Variants in SLCO3A1 observed in about 807,000 individuals in gnomAD.
SLCO3A1 encodes the protein solute carrier organic anion transporter family member 3A1.
In SLCO3A1, 27 loss-of-function variants were observed where a neutral mutation model predicts 63.1. That is an observed-to-expected ratio of 0.43 (90% CI 0.32 to 0.59). The LOEUF is 0.59. SLCO3A1 is among the 20% of genes least tolerant of loss of function. The probability of loss-of-function intolerance (pLI) is 0.09; values close to 1 mark genes in which losing one functional copy is unlikely to be tolerated. For missense variants in SLCO3A1, 773 were observed against 945.8 expected (o/e 0.82, Z 2.40); for synonymous variants, 473 against 409.9 (o/e 1.15, Z -1.86).
At chr15:91,858,495 G>C (rs1015503543) in intron 1 of SLCO3A1, among the ~76,000 whole-genome samples, 2 of 152,076 alleles carry the variant, frequency 1.3e-5, no homozygotes, top group African/African-American at 4.8e-5. Context: ...TTGTGAGGGG[G>C]TTTTTGTTGG....
At chr15:92,040,363 A>G (rs1381436173) in intron 2 of SLCO3A1, among the ~76,000 whole-genome samples, 1 of 152,184 alleles carries the variant, frequency 6.6e-6, no homozygotes, top group Non-Finnish European at 1.5e-5. Context: ...AGTTCTTTGA[A>G]TGTTTCAGGT....
chr15:91,913,115 C>T (rs1330297294), intron 1 of SLCO3A1, among the ~76,000 whole-genome samples: 1 of 152,242 alleles, frequency 6.6e-6, no homozygotes, highest in Non-Finnish European at 1.5e-5. Flanking sequence ...ACTAGCTAAA[C>T]TTCGTTTCTG....
chr15:91,986,177 G>A (rs2046050029), intron 2 of SLCO3A1, among the ~76,000 whole-genome samples: 1 of 152,160 alleles, frequency 6.6e-6, no homozygotes, highest in Non-Finnish European at 1.5e-5. Flanking sequence ...ACCATGCTCG[G>A]CCTATATTTG....
chr15:91,873,318 G>T (rs1202857040), intron 1 of SLCO3A1, among the ~76,000 whole-genome samples: 2 of 152,186 alleles, frequency 1.3e-5, no homozygotes, highest in Non-Finnish European at 2.9e-5. Flanking sequence ...GGAGTGTTCA[G>T]CCAGTTTCAG....
chr15:92,045,094 T>C (rs7168605), intron 2 of SLCO3A1, among the ~76,000 whole-genome samples: 130,347 of 152,116 alleles, frequency 0.86, 56,308 homozygotes, highest in African/African-American at 0.97. Flanking sequence ...TCCTGGCTAA[T>C]GTGGTGAAAC....
At chr15:92,158,913 G>A (rs1216829504) in intron 9 of SLCO3A1, among the ~76,000 whole-genome samples, 1 of 152,202 alleles carries the variant, frequency 6.6e-6, no homozygotes, top group African/African-American at 2.4e-5. Context: ...CTATTCAGAA[G>A]TATAAAAGGA....
intron 2 of SLCO3A1, among the ~76,000 whole-genome samples, chr15:92,036,087 C>T (rs1391702210): frequency 6.6e-6 from 1 of 152,234 alleles, no homozygotes; most frequent in East Asian, 1.9e-4. Flanking sequence ...AACTGCAGAA[C>T]ATCCCAAGGC....
At chr15:91,929,310 G>A (rs1386929719) in intron 2 of SLCO3A1, among the ~76,000 whole-genome samples, 1 of 152,176 alleles carries the variant, frequency 6.6e-6, no homozygotes, top group African/African-American at 2.4e-5. Context: ...CCAACTCTAT[G>A]TCCTGAAGCC....
intron 7 of SLCO3A1, among the ~76,000 whole-genome samples, chr15:92,131,317 T>A (rs1430327057): frequency 1.3e-5 from 2 of 151,782 alleles, no homozygotes; most frequent in African/African-American, 4.8e-5. Flanking sequence ...CTTTACCATC[T>A]GGCCCTGGCT....
chr15:92,098,689 T>A (rs2047568946), intron 3 of SLCO3A1, among the ~76,000 whole-genome samples: 1 of 152,092 alleles, frequency 6.6e-6, no homozygotes, highest in Non-Finnish European at 1.5e-5. Context: ...GGAGTGTAGA[T>A]CCTACTGTTA....
At chr15:91,919,576 G>A (rs992997239) in intron 2 of SLCO3A1, among the ~76,000 whole-genome samples, 1 of 152,256 alleles carries the variant, frequency 6.6e-6, no homozygotes, top group Admixed American at 6.5e-5. Context: ...TGAGGTCGGA[G>A]AATCCATTCT....
At position 92,143,368 on chromosome 15, in the gene SLCO3A1, TTATATA is replaced by T. The variant is rs1567142595; in HGVS notation, c.1513-3615_1513-3610del. Among the ~76,000 whole-genome samples, 6 of 1,118 alleles carry T rather than the reference TTATATA, an allele frequency of 5.4e-3. 3 individuals are homozygous for T. The highest frequency in any genetic ancestry group is 0.034 in the African/African-American group (6 of 174). 0.7% of individuals were successfully genotyped at this position (1,118 alleles called of 152,430 possible). A position where few individuals can be genotyped will look rare whatever the true frequency, so the allele number is the denominator to read the frequency against. Reference sequence around the variant, plus strand: ...CACTCAGTCAACATACATATATATATTATATAATATATATAATATATATATTATATA... The same window carrying T: ...CACTCAGTCAACATACATATATATATATATATATAATATATATATTATATA... On this transcript the variant is annotated intron_variant, in intron 7 of 9. Transcript: ENST00000318445.
chr15:91,929,556 A>T (rs1253154183), intron 2 of SLCO3A1, among the ~76,000 whole-genome samples: 1 of 152,168 alleles, frequency 6.6e-6, no homozygotes, highest in African/African-American at 2.4e-5. Context: ...ATTTTGGTAA[A>T]ATATTCATAC....
intron 2 of SLCO3A1, among the ~76,000 whole-genome samples, chr15:91,929,895 A>G (rs548789386): frequency 1.6e-4 from 25 of 152,292 alleles, no homozygotes; most frequent in African/African-American, 5.8e-4. Context: ...TTATATACCA[A>G]ATATTCCACT....
rs565563513 is a variant in SLCO3A1, at chr15:92,063,826, G to A, written c.647-31055G>A. ...GATCGCACCACCGCACTCCAGCCTG[G>A]GCAACAGAGCTAGATTCCATCTCAA... On this transcript the variant is annotated intron_variant, in intron 2 of 9. Transcript: ENST00000318445. Among the ~76,000 whole-genome samples the A allele has an allele frequency of 2.6e-5, 4 of 152,246 alleles. No homozygotes were observed. The East Asian group carries it at 5.8e-4, about 22-fold the overall frequency.
intron 1 of SLCO3A1, among the ~76,000 whole-genome samples, chr15:91,907,892 G>A (rs191553147): frequency 2.0e-5 from 3 of 152,238 alleles, no homozygotes; most frequent in South Asian, 2.1e-4. Context: ...CAGAGAGAAC[G>A]ATAGTGCCCC....
intron 3 of SLCO3A1, among the ~76,000 whole-genome samples, chr15:92,102,226 A>T (rs2047613841): frequency 6.6e-6 from 1 of 152,088 alleles, no homozygotes; most frequent in Admixed American, 6.5e-5. Flanking sequence ...GACTAGTGAA[A>T]ATATTCCTGT....
chr15:91,907,018 A>G (rs1468002800), intron 1 of SLCO3A1, among the ~76,000 whole-genome samples: 3 of 152,208 alleles, frequency 2.0e-5, no homozygotes, highest in African/African-American at 7.2e-5. Flanking sequence ...GTAAGGAATA[A>G]TAACATTTGC....
chr15:92,100,823 A>G (rs1455063698), intron 3 of SLCO3A1, among the ~76,000 whole-genome samples: 1 of 152,214 alleles, frequency 6.6e-6, no homozygotes. Flanking sequence ...TTTGTGCTAC[A>G]TCCAGTGTAG....
Sources: allele counts gnomAD v4.1 joint callset (sites outside exome capture counted in the v4.1 genomes callset), GRCh38; gene constraint gnomAD v4.1.1; transcripts MANE v1.5; gene names NCBI Gene and HGNC (gene_info 2026-07-23, HGNC 2026-07-21).